SEC14L1: variants seen among roughly 807,000 people sequenced by gnomAD.
SEC14L1 encodes the protein SEC14-like protein 1.
SEC14L1 carries 48 observed loss-of-function variants against 85.3 expected under a neutral mutation model. The ratio of observed to expected loss-of-function variants is 0.56; its 90% CI spans 0.45 to 0.72. The LOEUF is 0.72. SEC14L1 is among the 30% of genes least tolerant of loss of function. The pLI, the probability that SEC14L1 is intolerant of heterozygous loss-of-function variation, is 0.00. For synonymous variants in SEC14L1, 391 were observed against 355.5 expected (o/e 1.10, Z -1.12); for missense variants, 682 against 921.4 (o/e 0.74, Z 3.36).
chr17:77,096,075 TA>T (rs1971635330), intron 3 of SEC14L1, among the ~76,000 whole-genome samples: 1 of 149,086 alleles, frequency 6.7e-6, no homozygotes, highest in African/African-American at 2.5e-5. Context: ...TTTTTTTTTT[TA>T]AATAGAGATG....
chr17:77,164,103 T>C (rs532805890), intron 3 of SEC14L1, among the ~76,000 whole-genome samples: 1 of 152,366 alleles, frequency 6.6e-6, no homozygotes, highest in South Asian at 2.1e-4. Flanking sequence ...CATCCCACTT[T>C]ACAACTGAGG....
chr17:77,122,418 C>T (rs1334982946), intron 3 of SEC14L1, among the ~76,000 whole-genome samples: 1 of 151,978 alleles, frequency 6.6e-6, no homozygotes, highest in East Asian at 1.9e-4. Flanking sequence ...CCTCCTGCCT[C>T]AGCCTCCTGA....
chr17:77,195,378 G>C (rs1305253672), intron 7 of SEC14L1, among the ~76,000 whole-genome samples: 1 of 151,946 alleles, frequency 6.6e-6, no homozygotes, highest in Non-Finnish European at 1.5e-5. Context: ...GAGTGCAGTG[G>C]TGCCATCTTG....
intron 3 of SEC14L1, among the ~76,000 whole-genome samples, chr17:77,129,778 G>A (rs1056237540): frequency 2.6e-5 from 4 of 152,054 alleles, no homozygotes; most frequent in African/African-American, 9.7e-5. Flanking sequence ...ACCCAGTCGC[G>A]CCTTGTGATG....
chr17:77,147,065 G>A (rs1402828668), intron 3 of SEC14L1, among the ~76,000 whole-genome samples: 1 of 152,198 alleles, frequency 6.6e-6, no homozygotes, highest in East Asian at 1.9e-4. Flanking sequence ...GAAAGCGAAT[G>A]TGCCTCACTA....
At chr17:77,160,792 G>T (rs1419544610) in intron 3 of SEC14L1, among the ~76,000 whole-genome samples, 1 of 151,950 alleles carries the variant, frequency 6.6e-6, no homozygotes, top group East Asian at 1.9e-4. Flanking sequence ...TTACAGCTGA[G>T]CACTATCAGC....
intron 3 of SEC14L1, among the ~76,000 whole-genome samples, chr17:77,146,277 G>A (rs1973301840): frequency 6.6e-6 from 1 of 152,222 alleles, no homozygotes; most frequent in Admixed American, 6.5e-5. Context: ...GAGTTGGGCA[G>A]GGTGGGGGAT....
At position 77,213,800 on chromosome 17, in the gene SEC14L1, G is replaced by A. The variant is rs1340554936; in HGVS notation, c.2043-118G>A. On this transcript the variant is annotated intron_variant, in intron 16 of 16. Transcript: ENST00000436233. This position sits in a 1 kb window ranked among gnomAD's most constrained non-coding sequence, Gnocchi z 7.1. ...TGTCCATCCCCCGTTTGCAAGCACT[G>A]ATGGGGATGAGAAGTGAGCAGAGAA... 7.6e-7 allele frequency: 1 copy of A among 1,307,490 alleles called. No individual in the cohort carries two copies. The highest frequency in any genetic ancestry group is 1.1e-6 in the Non-Finnish European group (1 of 910,660). The allele number at this position is 1,307,490 out of a possible 1,614,324, so 81.0% of individuals were successfully genotyped here.
rs887780153 is a variant in SEC14L1 at position 77,194,392 on chromosome 17, A to C, written c.475-285A>C. ...CAACATTGCGAAACCCCGTATTTACAAAGAATACAAAAATTAGCCGGATGA... is the reference window on the plus strand; with the variant it reads ...CAACATTGCGAAACCCCGTATTTACCAAGAATACAAAAATTAGCCGGATGA... On this transcript the variant is annotated intron_variant, in intron 6 of 16. Transcript: ENST00000436233. 2.0e-5 allele frequency among the ~76,000 whole-genome samples: 3 copies of C among 152,054 alleles called. No individual in the cohort carries two copies. In the South Asian group the frequency reaches 6.2e-4, roughly 32 times the overall value.
intron 3 of SEC14L1, among the ~76,000 whole-genome samples, chr17:77,101,243 G>A (rs921774682): frequency 1.3e-5 from 2 of 151,872 alleles, no homozygotes; most frequent in Admixed American, 1.3e-4. Context: ...GGAGTGCAAT[G>A]GCACAATCTC....
intron 3 of SEC14L1, among the ~76,000 whole-genome samples, chr17:77,151,498 G>A (rs1045191776): frequency 4.6e-5 from 7 of 152,030 alleles, no homozygotes; most frequent in African/African-American, 9.7e-5. Context: ...TCTTTAATGC[G>A]CTAGAGTGAA....
chr17:77,120,721 C>T (rs1336852973), intron 3 of SEC14L1, among the ~76,000 whole-genome samples: 8 of 152,304 alleles, frequency 5.3e-5, no homozygotes, highest in African/African-American at 1.9e-4. Flanking sequence ...AGGTGATCCA[C>T]CGGTCTCGGC....
rs772742096 is a variant in SEC14L1 at position 77,213,271 on chromosome 17, G to A, written c.1864-43G>A. Reference sequence around the variant, plus strand: ...TCAGGCCTGTGGTAGGCCAGGGGTCGGAAGCGAGTCGCCCTCAGCTGCCAC... The same window carrying A: ...TCAGGCCTGTGGTAGGCCAGGGGTCAGAAGCGAGTCGCCCTCAGCTGCCAC... On this transcript the variant is annotated intron_variant, in intron 15 of 16. Transcript: ENST00000436233. The surrounding 1 kb of genome is among the most constrained non-coding windows in gnomAD (Gnocchi z 7.1). 10 of 1,551,956 alleles carry A rather than the reference G, an allele frequency of 6.4e-6. No individual in the cohort carries two copies. Among genetic ancestry groups the A allele is most frequent in the South Asian group, 6.1e-5 (5 of 81,416 alleles).
chr17:77,091,204 C>T (rs1320226318), intron 2 of SEC14L1, among the ~76,000 whole-genome samples: 1 of 152,166 alleles, frequency 6.6e-6, no homozygotes, highest in Non-Finnish European at 1.5e-5. Context: ...TCTCCTGCCT[C>T]AGCCTCCCAA....
intron 2 of SEC14L1, chr17:77,089,585 A>G (rs143403198): frequency 3.5e-5 from 16 of 461,900 alleles, no homozygotes; most frequent in African/African-American, 2.8e-4. Context: ...TCTTTCATTC[A>G]ATAAACATTT....
chr17:77,168,761 G>T (rs539178093), intron 3 of SEC14L1, among the ~76,000 whole-genome samples: 63 of 152,250 alleles, frequency 4.1e-4, no homozygotes, highest in African/African-American at 1.5e-3. Flanking sequence ...CATTTGGCTG[G>T]TGGGCCTAAT....
At chr17:77,114,151 C>T (rs1025173439) in intron 3 of SEC14L1, among the ~76,000 whole-genome samples, 1 of 151,738 alleles carries the variant, frequency 6.6e-6, no homozygotes, top group Non-Finnish European at 1.5e-5. Flanking sequence ...TTTATAAAAC[C>T]CTTTGTTTGG....
At chr17:77,095,340 G>A (rs1330156716) in intron 3 of SEC14L1, among the ~76,000 whole-genome samples, 1 of 152,184 alleles carries the variant, frequency 6.6e-6, no homozygotes, top group African/African-American at 2.4e-5. Context: ...CCAGTAACAG[G>A]GAAATCAGGA....
At chr17:77,142,930 A>G (rs1484267946) in intron 2 of SEC14L1, among the ~76,000 whole-genome samples, 180 bp downstream of exon 2, 1 of 152,232 alleles carries the variant, frequency 6.6e-6, no homozygotes, top group Non-Finnish European at 1.5e-5. Flanking sequence ...TACGGATATT[A>G]GCTATCTGAG....
Sources: gnomAD v4.1 joint callset for allele counts (sites outside exome capture counted in the v4.1 genomes callset) on GRCh38, gnomAD v4.1.1 for gene constraint, Gnocchi (gnomAD v3.1) non-coding constraint, MANE v1.5 for transcripts, NCBI Gene and HGNC (gene_info 2026-07-23, HGNC 2026-07-21) for gene names.